Variants in SMARCA2 observed in about 807,000 individuals in gnomAD.
SMARCA2 encodes SWI/SNF related BAF chromatin remodeling complex subunit ATPase 2.
In SMARCA2, 61 loss-of-function variants were observed where a neutral mutation model predicts 199.8. That is an observed-to-expected ratio of 0.31 (90% CI 0.25 to 0.38). SMARCA2 has a LOEUF of 0.38. Among genes scored for constraint, SMARCA2 ranks in the 10% least tolerant of loss-of-function variants. The pLI, the probability that SMARCA2 is intolerant of heterozygous loss-of-function variation, is 1.00. For missense variants in SMARCA2, 1,344 were observed against 2,012.2 expected, an observed-to-expected ratio of 0.67 and a Z score of 6.35; for synonymous variants, 935 against 732.0, an observed-to-expected ratio of 1.28 and a Z score of -4.48.
At chr9:2,141,699 C>T in intron 27 of SMARCA2, among the ~76,000 whole-genome samples, 1 of 151,626 alleles carries the variant, frequency 6.6e-6, no homozygotes, top group Admixed American at 6.6e-5. Context: ...GTTGTGTGGC[C>T]CTCCCTTGAG....
chr9:2,125,421 AT>A (rs1455381635), intron 27 of SMARCA2, among the ~76,000 whole-genome samples: 1 of 151,552 alleles, frequency 6.6e-6, no homozygotes, highest in Non-Finnish European at 1.5e-5. Flanking sequence ...GGAAAATTTT[AT>A]TTAAGCAATA....
intron 27 of SMARCA2, chr9:2,159,958 C>T (rs746702993): frequency 9.5e-6 from 15 of 1,574,138 alleles, no homozygotes; most frequent in Non-Finnish European, 1.2e-5. Flanking sequence ...AGAACTACAT[C>T]CCAGGCATGT....
intron 29 of SMARCA2, among the ~76,000 whole-genome samples, chr9:2,179,452 G>GTTTA (rs1339089037): frequency 6.6e-6 from 1 of 152,146 alleles, no homozygotes. Context: ...GAATAAATGT[G>GTTTA]TTTATTTCTC....
chr9:2,098,920 C>G (rs574448896), intron 21 of SMARCA2, among the ~76,000 whole-genome samples: 1 of 150,498 alleles, frequency 6.6e-6, no homozygotes, highest in Non-Finnish European at 1.5e-5. Flanking sequence ...GTACTCCAGC[C>G]TGAGTGACAA....
chr9:2,073,111 G>T, intron 10 of SMARCA2, 101 bp from the exon 11 acceptor site: 1 of 1,394,132 alleles, frequency 7.2e-7, no homozygotes, highest in South Asian at 1.4e-5. Flanking sequence ...ACAGAATAAG[G>T]TTTCACATGC....
rs922391125 is a variant in SMARCA2 at position 2,104,824 on chromosome 9, A to T, written c.3292+655A>T. 2.0e-5 allele frequency among the ~76,000 whole-genome samples: 3 copies of T among 152,208 alleles called. No homozygotes were observed. The highest frequency in any genetic ancestry group is 7.2e-5 in the African/African-American group (3 of 41,452). On this transcript the variant is annotated intron_variant, in intron 23 of 33. Transcript: ENST00000349721. The surrounding 1 kb of genome is among the most constrained non-coding windows in gnomAD (Gnocchi z 4.0). Reference sequence around the variant, plus strand: ...ATCCCTAAATTATTTTACGATTTGGATATCAGCCATAATATATTAGAGGTT... The same window carrying T: ...ATCCCTAAATTATTTTACGATTTGGTTATCAGCCATAATATATTAGAGGTT...
Position 2,079,016 on chromosome 9 carries a change from T to C in SMARCA2, c.2184+1240T>C, listed in dbSNP as rs186269774. Among the ~76,000 whole-genome samples, 630 of 152,212 alleles carry C rather than the reference T, an allele frequency of 4.1e-3. 7 individuals carry two copies. The highest frequency in any genetic ancestry group is 0.02 in the Middle Eastern group (6 of 294). ...GAGGTTTGTGGCCAAATACTGTAAC[T>C]AAGATTACCATATAAATTACTATTT... On this transcript the variant is annotated intron_variant, in intron 14 of 33. Coordinates refer to ENST00000349721, the MANE Select transcript of SMARCA2 (RefSeq NM_003070.5).
chr9:2,192,015 T>C (rs1350167641), intron 33 of SMARCA2: 1 of 153,918 alleles, frequency 6.5e-6, no homozygotes, highest in Admixed American at 6.5e-5. Flanking sequence ...GTTATGGAAA[T>C]GGTTAGGTTA....
intron 9 of SMARCA2, among the ~76,000 whole-genome samples, chr9:2,062,854 A>G (rs1429540187): frequency 1.3e-5 from 2 of 152,198 alleles, no homozygotes; most frequent in South Asian, 2.1e-4. Flanking sequence ...GAGAGGCTAG[A>G]CAGATATTAA....
At chr9:2,076,722 G>C (rs1202182383) in intron 13 of SMARCA2, among the ~76,000 whole-genome samples, 1 of 151,874 alleles carries the variant, frequency 6.6e-6, no homozygotes, top group Non-Finnish European at 1.5e-5. Context: ...GATATCAGCA[G>C]TCTCCCTGAA....
At chr9:2,021,271 C>T (rs1408467666) in intron 1 of SMARCA2, among the ~76,000 whole-genome samples, 1 of 151,810 alleles carries the variant, frequency 6.6e-6, no homozygotes, top group Non-Finnish European at 1.5e-5. Flanking sequence ...GTTTGAAAAC[C>T]ATTAAATATA....
chr9:2,081,361 G>A (rs1821559306), intron 14 of SMARCA2, among the ~76,000 whole-genome samples: 1 of 152,144 alleles, frequency 6.6e-6, no homozygotes, highest in Non-Finnish European at 1.5e-5. Context: ...GTCCTCCTGT[G>A]GTCCCAGCAG....
intron 14 of SMARCA2, among the ~76,000 whole-genome samples, chr9:2,080,987 C>T (rs1183069836): frequency 1.3e-5 from 2 of 152,168 alleles, no homozygotes; most frequent in Non-Finnish European, 2.9e-5. Flanking sequence ...TTTAAATAAA[C>T]TAATTGCTTG....
At chr9:2,081,515 G>A (rs112641319) in intron 14 of SMARCA2, among the ~76,000 whole-genome samples, 1 of 152,198 alleles carries the variant, frequency 6.6e-6, no homozygotes, top group Non-Finnish European at 1.5e-5. Flanking sequence ...GGTTGGATTA[G>A]ATTTTGGTTT....
chr9:2,073,129 C>G (rs1821162395), intron 10 of SMARCA2, 83 bp from the exon 11 acceptor site: 4 of 1,525,266 alleles, frequency 2.6e-6, no homozygotes, highest in Non-Finnish European at 3.5e-6. Context: ...TGCTGGGCAG[C>G]AAAAACTGCT....
intron 18 of SMARCA2, 32 bp downstream of exon 18, chr9:2,087,103 A>T (rs1427615408): frequency 1.2e-6 from 2 of 1,612,648 alleles, no homozygotes; most frequent in Admixed American, 1.7e-5. Flanking sequence ...TTTCCACTGC[A>T]TGATAATGAC....
intron 21 of SMARCA2, among the ~76,000 whole-genome samples, chr9:2,100,253 C>T (rs1346923597): frequency 3.3e-5 from 5 of 152,126 alleles, no homozygotes; most frequent in South Asian, 2.1e-4. Flanking sequence ...TGGAGAAATG[C>T]GTGGAAAACA....
At chr9:2,158,670 CCCCCCAG>C in intron 27 of SMARCA2, 1 of 317,350 alleles carries the variant, frequency 3.2e-6, no homozygotes, top group Non-Finnish European at 5.6e-6. Flanking sequence ...TTGTGTGTGA[CCCCCCAG>C]CCCCCAGCGC....
At chr9:2,146,920 C>T (rs1025094205) in intron 27 of SMARCA2, among the ~76,000 whole-genome samples, 4 of 152,166 alleles carry the variant, frequency 2.6e-5, no homozygotes, top group African/African-American at 9.7e-5. Flanking sequence ...TCTTTATGAC[C>T]TGTATCTTGT....
Sources: allele counts gnomAD v4.1 joint callset (sites outside exome capture counted in the v4.1 genomes callset), GRCh38; gene constraint gnomAD v4.1.1; non-coding constraint Gnocchi (gnomAD v3.1); transcripts MANE v1.5; gene names NCBI Gene and HGNC (gene_info 2026-07-23, HGNC 2026-07-21).